The following KCNK9 variants were observed in gnomAD, a reference collection of about 807,000 sequenced individuals.
KCNK9 encodes potassium channel subfamily K member 9.
A neutral mutation model predicts 10.8 loss-of-function variants in KCNK9; 1 was observed. The observed-to-expected ratio is 0.09, with a 90% CI of 0.03 to 0.44. The LOEUF (loss-of-function observed/expected upper bound fraction) is 0.44, where lower values mean the gene tolerates loss of function less well. KCNK9 is among the 20% of genes least tolerant of loss of function. The pLI, the probability that KCNK9 is intolerant of heterozygous loss-of-function variation, is 0.97. For synonymous variants in KCNK9, 231 were observed against 222.7 expected (o/e 1.04, Z -0.33); for missense variants, 303 against 515.0 (o/e 0.59, Z 3.98).
chr8:139,674,140 C>T (rs1816496850), intron 1 of KCNK9, among the ~76,000 whole-genome samples: 1 of 152,334 alleles, frequency 6.6e-6, no homozygotes, highest in Non-Finnish European at 1.5e-5. Context: ...GCCCTAACCC[C>T]TAACAGGATG....
At chr8:139,632,273 C>T (rs1815197401) in intron 1 of KCNK9, among the ~76,000 whole-genome samples, 1 of 152,232 alleles carries the variant, frequency 6.6e-6, no homozygotes, top group Non-Finnish European at 1.5e-5. Flanking sequence ...CAGGAGCAGG[C>T]AAGATCTGTG....
At chr8:139,656,234 C>T (rs3780045) in intron 1 of KCNK9, among the ~76,000 whole-genome samples, 11,133 of 152,136 alleles carry the variant, frequency 0.073, 723 homozygotes, top group East Asian at 0.27. Context: ...GCTTGGTCTT[C>T]AGGAGTACTA....
chr8:139,649,559 G>T (rs1177747286), intron 1 of KCNK9, among the ~76,000 whole-genome samples: 1 of 152,176 alleles, frequency 6.6e-6, no homozygotes, highest in East Asian at 1.9e-4. Context: ...CCTGGATGCG[G>T]TCTTTCCATG....
chr8:139,655,454 G>A (rs1815997898), intron 1 of KCNK9, among the ~76,000 whole-genome samples: 1 of 152,184 alleles, frequency 6.6e-6, no homozygotes, highest in Non-Finnish European at 1.5e-5. Flanking sequence ...GGAGCGCTGA[G>A]GTGGGGCTGG....
chr8:139,656,503 C>T (rs1446510866), intron 1 of KCNK9, among the ~76,000 whole-genome samples: 2 of 152,174 alleles, frequency 1.3e-5, no homozygotes, highest in African/African-American at 2.4e-5. Flanking sequence ...AGACAGGACC[C>T]GCCAGGTGCA....
intron 2 of KCNK9, among the ~76,000 whole-genome samples, chr8:139,605,436 T>C (rs1275682190): frequency 6.6e-6 from 1 of 152,190 alleles, no homozygotes; most frequent in Non-Finnish European, 1.5e-5. Context: ...ATTCCTTACT[T>C]GACCGAGGTT....
intron 1 of KCNK9, among the ~76,000 whole-genome samples, chr8:139,689,089 G>T (rs907873644): frequency 6.6e-6 from 1 of 152,200 alleles, no homozygotes; most frequent in African/African-American, 2.4e-5. Context: ...AGGGATGGCT[G>T]TATGAAGACC....
intron 1 of KCNK9, among the ~76,000 whole-genome samples, chr8:139,638,626 C>A (rs1215650684): frequency 6.6e-6 from 1 of 152,202 alleles, no homozygotes; most frequent in East Asian, 1.9e-4. Flanking sequence ...GAGCCAAGTG[C>A]CAGCTGCTTT....
In KCNK9 at chr8:139,649,848, G is replaced by C. The variant is rs73360026; in HGVS notation, c.284-30749C>G. Reference sequence around the variant, plus strand: ...GTCTGGGGATGCGGCAAAGAACAAAGTGGTACTGTCCGAAAGGCAATTAAT... The same window carrying C: ...GTCTGGGGATGCGGCAAAGAACAAACTGGTACTGTCCGAAAGGCAATTAAT... On this transcript the variant is annotated intron_variant, in intron 1 of 1. Transcript: ENST00000520439. Among the ~76,000 whole-genome samples the C allele has an allele frequency of 5.4e-3, 824 of 152,374 alleles. 7 individuals carry two copies. Among genetic ancestry groups the C allele is most frequent in the African/African-American group, 0.019 (772 of 41,588 alleles).
rs927443455 is a variant in KCNK9 at position 139,617,831 on chromosome 8, C to G, written c.*427G>C. Among the ~76,000 whole-genome samples, 3 of 152,098 alleles carry G rather than the reference C, an allele frequency of 2.0e-5. No individual in the cohort carries two copies. Among genetic ancestry groups the G allele is most frequent in the African/African-American group, 7.2e-5 (3 of 41,428 alleles). On this transcript the variant is annotated 3_prime_UTR_variant, in exon 2 of 2. Transcript: ENST00000520439. ...TTAGGAAAAGAGAAAGGAGTTAGGT[C>G]AGAGACACCACTAAGGGTAGGCGAT...
At chr8:139,638,555 G>A (rs1357156524) in intron 1 of KCNK9, among the ~76,000 whole-genome samples, 1 of 152,210 alleles carries the variant, frequency 6.6e-6, no homozygotes, top group Non-Finnish European at 1.5e-5. Flanking sequence ...GAGGAGAGGG[G>A]CACACGGGCT....
intron 1 of KCNK9, among the ~76,000 whole-genome samples, chr8:139,634,496 C>T (rs1435853643): frequency 1.3e-5 from 2 of 152,292 alleles, no homozygotes; most frequent in Middle Eastern, 3.4e-3. Context: ...ATGGCACCAT[C>T]CTGAGATGCC....
intron 1 of KCNK9, among the ~76,000 whole-genome samples, chr8:139,629,112 A>G (rs1815080139): frequency 6.6e-6 from 1 of 152,250 alleles, no homozygotes; most frequent in Non-Finnish European, 1.5e-5. Context: ...GATTAAATGA[A>G]GCGTCTTCAT....
chr8:139,640,841 C>T (rs1287577802), intron 1 of KCNK9, among the ~76,000 whole-genome samples: 1 of 152,222 alleles, frequency 6.6e-6, no homozygotes, highest in African/African-American at 2.4e-5. Context: ...CCACGTTCTG[C>T]GGTTGCAGAC....
In KCNK9 at chr8:139,672,743, CAGAG is replaced by C. The variant is rs1174403542; in HGVS notation, c.283+29963_283+29966del. ...TGGGTCTCCAGTCCTGTTTCCTCTC[CAGAG>C]ACAGGAGCCGCATGGGAAGGAGCTT... On this transcript the variant is annotated intron_variant, in intron 1 of 1. Coordinates refer to ENST00000520439, the MANE Select transcript of KCNK9 (RefSeq NM_001282534.2). Among the ~76,000 whole-genome samples the C allele has an allele frequency of 5.3e-5, 8 of 152,322 alleles. No homozygotes were observed. In the East Asian group the frequency reaches 1.5e-3, roughly 29 times the overall value.
intron 1 of KCNK9, among the ~76,000 whole-genome samples, chr8:139,697,823 T>C (rs1389941561): frequency 6.6e-6 from 1 of 152,138 alleles, no homozygotes; most frequent in Non-Finnish European, 1.5e-5. Context: ...GCTGTGTCCA[T>C]GACATCTACA....
chr8:139,613,326 G>A (rs576858876), downstream of KCNK9, among the ~76,000 whole-genome samples: 2 of 152,270 alleles, frequency 1.3e-5, no homozygotes, highest in South Asian at 4.2e-4. Flanking sequence ...CAGTGTGGGG[G>A]ACCGTGGTCA....
intron 2 of KCNK9, among the ~76,000 whole-genome samples, chr8:139,604,009 G>A (rs932328859): frequency 5.9e-5 from 9 of 152,218 alleles, no homozygotes; most frequent in Non-Finnish European, 8.8e-5. Context: ...GAGCTCATGT[G>A]TCAGGGTGCT....
chr8:139,636,258 T>G (rs1009509550), intron 1 of KCNK9, among the ~76,000 whole-genome samples: 1 of 152,176 alleles, frequency 6.6e-6, no homozygotes. Flanking sequence ...AGAGGCTAAG[T>G]ACCCTGTCAC....
Sources: allele counts gnomAD v4.1 joint callset (sites outside exome capture counted in the v4.1 genomes callset), GRCh38; gene constraint gnomAD v4.1.1; transcripts MANE v1.5; gene names NCBI Gene and HGNC (gene_info 2026-07-23, HGNC 2026-07-21).